OPCML: variants seen among roughly 807,000 people sequenced by gnomAD.
The protein encoded by OPCML is opioid binding protein/cell adhesion molecule like.
Under a neutral mutation model 37.8 loss-of-function variants are expected in OPCML, and 13 were observed. The observed-to-expected ratio is 0.34, with a 90% CI of 0.22 to 0.55. The LOEUF (loss-of-function observed/expected upper bound fraction) is 0.55, where lower values mean the gene tolerates loss of function less well. Among genes scored for constraint, OPCML ranks in the 20% least tolerant of loss-of-function variants. The pLI, the probability that OPCML is intolerant of heterozygous loss-of-function variation, is 0.91. For synonymous variants in OPCML, 176 were observed against 168.8 expected (o/e 1.04, Z -0.33); for missense variants, 341 against 435.6 (o/e 0.78, Z 1.93).
At chr11:132,878,274 G>GTGCTTA (rs1424478056) in intron 2 of OPCML, among the ~76,000 whole-genome samples, 1 of 152,208 alleles carries the variant, frequency 6.6e-6, no homozygotes, top group Admixed American at 6.5e-5. Context: ...GTGCCACAGG[G>GTGCTTA]TGCTTAGCTA....
At chr11:133,449,994 T>A (rs927234829) in intron 1 of OPCML, among the ~76,000 whole-genome samples, 17 of 151,762 alleles carry the variant, frequency 1.1e-4, no homozygotes, top group Non-Finnish European at 2.5e-4. Context: ...TCTGGGAAAA[T>A]GTCTTCTTAT....
At chr11:132,982,884 G>C (rs1276458713) in intron 1 of OPCML, among the ~76,000 whole-genome samples, 1 of 152,242 alleles carries the variant, frequency 6.6e-6, no homozygotes, top group East Asian at 1.9e-4. Flanking sequence ...AGCGTGGGAT[G>C]CATGCCAGAG....
intron 1 of OPCML, among the ~76,000 whole-genome samples, chr11:133,331,380 C>G (rs939774496): frequency 3.9e-5 from 6 of 152,218 alleles, no homozygotes; most frequent in African/African-American, 1.4e-4. Flanking sequence ...CCTCTCTACT[C>G]TGGAGGAGTG....
chr11:132,749,196 A>C (rs1373435429), intron 2 of OPCML, among the ~76,000 whole-genome samples: 7 of 152,182 alleles, frequency 4.6e-5, no homozygotes, highest in Admixed American at 4.6e-4. Context: ...AGCCCTCACT[A>C]TGCTGGCACC....
At chr11:132,453,944 C>T (rs1284380893) in intron 4 of OPCML, among the ~76,000 whole-genome samples, 1 of 152,204 alleles carries the variant, frequency 6.6e-6, no homozygotes, top group African/African-American at 2.4e-5. Flanking sequence ...TTGCAGAAGA[C>T]AATTCTGCCC....
At chr11:133,325,485 C>T (rs184360496) in intron 1 of OPCML, among the ~76,000 whole-genome samples, 45 of 152,168 alleles carry the variant, frequency 3.0e-4, no homozygotes, top group African/African-American at 1.0e-3. Context: ...AATTTTAACG[C>T]CTATCAAAAT....
chr11:132,898,957 C>G (rs1277280421), intron 2 of OPCML, among the ~76,000 whole-genome samples: 5 of 151,968 alleles, frequency 3.3e-5, no homozygotes, highest in Non-Finnish European at 1.5e-5. Context: ...TACTACTCCA[C>G]TGGATGTAAG....
chr11:132,732,500 A>G (rs1256658143), intron 2 of OPCML, among the ~76,000 whole-genome samples: 1 of 152,082 alleles, frequency 6.6e-6, no homozygotes, highest in Non-Finnish European at 1.5e-5. Context: ...ATCTTGAGAG[A>G]GTGGTCTTCA....
chr11:133,175,495 A>G (rs78549197), intron 1 of OPCML, among the ~76,000 whole-genome samples: 19,666 of 151,712 alleles, frequency 0.13, 1,488 homozygotes, highest in Admixed American at 0.19. Flanking sequence ...AAAAAAAAAA[A>G]AAACAGAACT....
At chr11:132,493,046 C>T (rs941321815) in intron 4 of OPCML, among the ~76,000 whole-genome samples, 1 of 152,158 alleles carries the variant, frequency 6.6e-6, no homozygotes, top group African/African-American at 2.4e-5. Context: ...AACTAGATTG[C>T]CTGTTTCCAG....
intron 1 of OPCML, among the ~76,000 whole-genome samples, chr11:133,499,159 TCAACGTTTTTG>T (rs1464402079): frequency 6.6e-6 from 1 of 152,048 alleles, no homozygotes; most frequent in East Asian, 1.9e-4. Context: ...CCTCCAGAAG[TCAACGTTTTTG>T]CTGACCTGGC....
chr11:132,663,098 A>G (rs1010431184), intron 2 of OPCML, among the ~76,000 whole-genome samples: 5 of 152,236 alleles, frequency 3.3e-5, no homozygotes, highest in African/African-American at 4.8e-5. Flanking sequence ...TTTGTAATAT[A>G]CGGATAATAC....
intron 3 of OPCML, among the ~76,000 whole-genome samples, chr11:132,583,578 T>C (rs946055749): frequency 2.0e-5 from 3 of 151,800 alleles, no homozygotes; most frequent in Non-Finnish European, 4.4e-5. Context: ...GGGATTACAG[T>C]TGTGAGTCAC....
At chr11:132,963,866 G>A (rs146279818) in intron 1 of OPCML, among the ~76,000 whole-genome samples, 153 of 151,934 alleles carry the variant, frequency 1.0e-3, no homozygotes, top group African/African-American at 3.6e-3. Context: ...CGTTAGGGTC[G>A]GGCACCTAAG....
At chr11:133,306,726 G>A (rs1393553856) in intron 1 of OPCML, among the ~76,000 whole-genome samples, 1 of 152,196 alleles carries the variant, frequency 6.6e-6, no homozygotes, top group Non-Finnish European at 1.5e-5. Context: ...GGTTGAAAGT[G>A]TGGACCCAGT....
intron 1 of OPCML, among the ~76,000 whole-genome samples, chr11:133,269,637 G>A (rs186169395): frequency 1.8e-3 from 275 of 152,248 alleles, no homozygotes; most frequent in African/African-American, 6.1e-3. Context: ...ACCCATTTCA[G>A]GCAATGGTAA....
intron 3 of OPCML, among the ~76,000 whole-genome samples, chr11:132,653,415 G>A (rs1941536568): frequency 6.6e-6 from 1 of 152,134 alleles, no homozygotes; most frequent in South Asian, 2.1e-4. Flanking sequence ...TTTAGCTCCT[G>A]CTCTGCGGGG....
intron 1 of OPCML, among the ~76,000 whole-genome samples, chr11:133,251,976 T>A (rs569480090): frequency 6.6e-6 from 1 of 152,282 alleles, no homozygotes; most frequent in South Asian, 2.1e-4. Context: ...ATTTCACAGC[T>A]GTTGTGCAGG....
chr11:133,448,550 C>T (rs907362633), intron 1 of OPCML, among the ~76,000 whole-genome samples: 33 of 152,270 alleles, frequency 2.2e-4, no homozygotes, highest in Admixed American at 6.5e-4. Context: ...CTCCACCTCC[C>T]GGGTTCAGGC....
Sources: gnomAD v4.1 joint callset for allele counts (sites outside exome capture counted in the v4.1 genomes callset) on GRCh38, gnomAD v4.1.1 for gene constraint, MANE v1.5 for transcripts, NCBI Gene and HGNC (gene_info 2026-07-23, HGNC 2026-07-21) for gene names.